Variants in SORBS2 observed in about 807,000 individuals in gnomAD.
SORBS2 encodes sorbin and SH3 domain containing 2.
Under a neutral mutation model 97.7 loss-of-function variants are expected in SORBS2, and 46 were observed. That is an observed-to-expected ratio of 0.47 (90% CI 0.37 to 0.60). SORBS2 has a LOEUF of 0.60. Among genes scored for constraint, SORBS2 ranks in the 20% least tolerant of loss-of-function variants. The pLI, the probability that SORBS2 is intolerant of heterozygous loss-of-function variation, is 0.00. For missense variants in SORBS2, 1,316 were observed against 1,282.3 expected (o/e 1.03, Z -0.40); for synonymous variants, 476 against 473.4 (o/e 1.01, Z -0.07).
intron 2 of SORBS2, among the ~76,000 whole-genome samples, chr4:185,706,218 A>G (rs751020917): frequency 6.6e-5 from 10 of 152,224 alleles, no homozygotes; most frequent in African/African-American, 1.9e-4. Flanking sequence ...AACCCTAAAC[A>G]TGAATGTGAC....
upstream of SORBS2, among the ~76,000 whole-genome samples, chr4:185,659,696 C>T (rs2097483724): frequency 6.6e-6 from 1 of 152,188 alleles, no homozygotes; most frequent in Non-Finnish European, 1.5e-5. Context: ...GCTGGGATTA[C>T]AGGCGTGAGC....
intron 2 of SORBS2, among the ~76,000 whole-genome samples, chr4:185,735,809 T>C (rs2098682195): frequency 6.6e-6 from 1 of 152,096 alleles, no homozygotes. Flanking sequence ...CTTCATGAAG[T>C]TTACCTTATT....
chr4:185,841,205 A>G (rs1176812550), intron 1 of SORBS2, among the ~76,000 whole-genome samples: 1 of 152,218 alleles, frequency 6.6e-6, no homozygotes, highest in African/African-American at 2.4e-5. Context: ...TAAGCTGGGT[A>G]ATAACACAGT....
At position 185,664,916 on chromosome 4, in the gene SORBS2, A is replaced by G. The variant is rs1321803191; in HGVS notation, c.-45-2674T>C. Among the ~76,000 whole-genome samples, 44 of 152,124 alleles carry G rather than the reference A, an allele frequency of 2.9e-4. 1 individual carries two copies. Among genetic ancestry groups the G allele is most frequent in the Non-Finnish European group, 1.5e-5 (1 of 68,016 alleles). On this transcript the variant is annotated intron_variant, in intron 4 of 20. Transcript: ENST00000284776. ...TTGCCTGAAGCTATGTGTCTCTTAA[A>G]TGGAAGCCATTACTTAGACATTATA...
rs73015602 is a variant in SORBS2 at position 185,753,892 on chromosome 4, G to C, written c.-198+21335C>G. Among the ~76,000 whole-genome samples the C allele has an allele frequency of 7.8e-3, 1,194 of 152,268 alleles. 19 individuals are homozygous for C. Among genetic ancestry groups the C allele is most frequent in the African/African-American group, 0.027 (1,124 of 41,550 alleles). ...TCAACCATTGTGGAAAGCATTTGGTGATTTCTGATAGAACTTAAAACAGAA... is the reference window on the plus strand; with the variant it reads ...TCAACCATTGTGGAAAGCATTTGGTCATTTCTGATAGAACTTAAAACAGAA... On this transcript the variant is annotated intron_variant, in intron 2 of 20. Coordinates refer to the SORBS2 transcript ENST00000284776.
intron 2 of SORBS2, among the ~76,000 whole-genome samples, chr4:185,708,340 T>C (rs192864992): frequency 6.6e-6 from 1 of 152,356 alleles, no homozygotes; most frequent in East Asian, 1.9e-4. Context: ...CACAGGTACA[T>C]GTAATAGATA....
chr4:185,913,923 A>T (rs749557464), intron 1 of SORBS2, among the ~76,000 whole-genome samples: 1 of 152,220 alleles, frequency 6.6e-6, no homozygotes, highest in Non-Finnish European at 1.5e-5. Context: ...TTAGCTCTAG[A>T]TCACTCTGAA....
chr4:185,737,876 G>A (rs2098697955), intron 2 of SORBS2, among the ~76,000 whole-genome samples: 1 of 152,202 alleles, frequency 6.6e-6, no homozygotes, highest in African/African-American at 2.4e-5. Flanking sequence ...CCTCCGCTCA[G>A]CTACAGAAAC....
At chr4:185,586,418 G>A (rs548271860) in exon 15 of SORBS2, 15 of 152,700 alleles carry the variant, frequency 9.8e-5, no homozygotes, top group Non-Finnish European at 1.5e-5. Flanking sequence ...CACACACCAG[G>A]AAAATCAGGC....
chr4:185,934,304 A>G (rs753845867), intron 1 of SORBS2, among the ~76,000 whole-genome samples: 5 of 152,206 alleles, frequency 3.3e-5, no homozygotes, highest in Non-Finnish European at 5.9e-5. Context: ...TAAGCCCTTC[A>G]GGATAAAACA....
At chr4:185,683,248 G>A (rs1361899680) in intron 2 of SORBS2, among the ~76,000 whole-genome samples, 3 of 150,564 alleles carry the variant, frequency 2.0e-5, no homozygotes, top group East Asian at 1.9e-4. Flanking sequence ...CTTTTTTGCT[G>A]TTGTAATTCC....
chr4:185,588,817 G>A (rs1408267016), intron 14 of SORBS2, among the ~76,000 whole-genome samples: 2 of 152,128 alleles, frequency 1.3e-5, no homozygotes, highest in African/African-American at 4.8e-5. Flanking sequence ...GTTTCACCAT[G>A]TTGACCAGGC....
intron 1 of SORBS2, among the ~76,000 whole-genome samples, chr4:185,905,197 A>T (rs906149230): frequency 6.6e-6 from 1 of 152,164 alleles, no homozygotes; most frequent in Non-Finnish European, 1.5e-5. Flanking sequence ...AGGCTTCCCC[A>T]AGCTGGGGGC....
At chr4:185,801,227 A>T (rs1010259630) in intron 1 of SORBS2, among the ~76,000 whole-genome samples, 7 of 152,214 alleles carry the variant, frequency 4.6e-5, no homozygotes, top group Non-Finnish European at 1.0e-4. Flanking sequence ...TTTAGGGCTG[A>T]ATAATATCCC....
At chr4:185,687,228 A>G (rs2097982519) in intron 2 of SORBS2, among the ~76,000 whole-genome samples, 2 of 152,020 alleles carry the variant, frequency 1.3e-5, no homozygotes, top group South Asian at 4.2e-4. Flanking sequence ...GGGTCTCACT[A>G]TGTTGCCCAG....
chr4:185,667,210 C>T (rs935858053), intron 4 of SORBS2, among the ~76,000 whole-genome samples: 1 of 151,996 alleles, frequency 6.6e-6, no homozygotes, highest in African/African-American at 2.4e-5. Context: ...AGATAGATGG[C>T]CAGAGGTATT....
At chr4:185,652,670 T>C (rs376019719) in exon 2 of SORBS2, 2 of 1,613,980 alleles carry the variant, frequency 1.2e-6, no homozygotes, top group South Asian at 2.2e-5. Flanking sequence ...ACCCGGCTTG[T>C]GCACCATGTG....
chr4:185,878,263 G>T (rs950250934), intron 1 of SORBS2, among the ~76,000 whole-genome samples: 2 of 152,146 alleles, frequency 1.3e-5, no homozygotes, highest in African/African-American at 4.8e-5. Flanking sequence ...TTAAGTAAGA[G>T]TGGAAACGTG....
chr4:185,827,320 A>G (rs1585258491), intron 1 of SORBS2, among the ~76,000 whole-genome samples: 2 of 150,590 alleles, frequency 1.3e-5, no homozygotes, highest in Non-Finnish European at 1.5e-5. Context: ...CACCATCATC[A>G]CCATCATCAT....
Sources: gnomAD v4.1 joint callset for allele counts (sites outside exome capture counted in the v4.1 genomes callset) on GRCh38, gnomAD v4.1.1 for gene constraint, MANE v1.5 for transcripts, NCBI Gene and HGNC (gene_info 2026-07-23, HGNC 2026-07-21) for gene names.